The following EPHB1 variants were observed in gnomAD, a reference collection of about 807,000 sequenced individuals.
EPHB1 encodes ephrin type-B receptor 1.
Under a neutral mutation model 94.4 loss-of-function variants are expected in EPHB1, and 30 were observed. That is an observed-to-expected ratio of 0.32 (90% CI 0.24 to 0.43). The LOEUF (loss-of-function observed/expected upper bound fraction) is 0.43, where lower values mean the gene tolerates loss of function less well. Ranked by LOEUF, EPHB1 falls within the 20% of genes least tolerant of loss-of-function variation. The pLI, the probability that EPHB1 is intolerant of heterozygous loss-of-function variation, is 1.00. For synonymous variants in EPHB1, 522 were observed against 489.1 expected, an observed-to-expected ratio of 1.07 and a Z score of -0.89; for missense variants, 1,055 against 1,308.3, an observed-to-expected ratio of 0.81 and a Z score of 2.99.
intron 15 of EPHB1, among the ~76,000 whole-genome samples, chr3:135,257,911 C>A (rs1365431444): frequency 6.6e-6 from 1 of 152,190 alleles, no homozygotes; most frequent in East Asian, 1.9e-4. Context: ...GATATAATCT[C>A]GTGGTGCGCC....
chr3:134,978,986 T>G (rs1934303817), intron 3 of EPHB1, among the ~76,000 whole-genome samples: 1 of 152,110 alleles, frequency 6.6e-6, no homozygotes, highest in Admixed American at 6.5e-5. Context: ...TCATGGAGGG[T>G]GGGGCCAGGG....
Position 135,189,647 on chromosome 3 carries a change from C to T in EPHB1, c.1883-2929C>T, listed in dbSNP as rs534872272. On this transcript the variant is annotated intron_variant, in intron 10 of 15. Coordinates refer to ENST00000398015, the MANE Select transcript of EPHB1 (RefSeq NM_004441.5). Reference sequence around the variant, plus strand: ...TTCATCAGAATCTCTGAAGTGAGGCCCAGGCCTCTGGACTCTGTAAGTCTC... The same window carrying T: ...TTCATCAGAATCTCTGAAGTGAGGCTCAGGCCTCTGGACTCTGTAAGTCTC... Among the ~76,000 whole-genome samples the T allele has an allele frequency of 2.0e-5, 3 of 152,280 alleles. No individual in the cohort carries two copies. The South Asian group carries it at 6.2e-4, about 32-fold the overall frequency.
intron 3 of EPHB1, among the ~76,000 whole-genome samples, chr3:135,103,083 G>A (rs1197830492): frequency 6.6e-6 from 1 of 151,890 alleles, no homozygotes; most frequent in East Asian, 1.9e-4. Flanking sequence ...AATGGCACAT[G>A]TATCCCTATG....
At chr3:135,073,360 G>C (rs1403854851) in intron 3 of EPHB1, among the ~76,000 whole-genome samples, 1 of 152,104 alleles carries the variant, frequency 6.6e-6, no homozygotes, top group Non-Finnish European at 1.5e-5. Context: ...ATTTATAATG[G>C]AAAATTTCAA....
chr3:135,189,157 C>T (rs142929854), intron 10 of EPHB1, among the ~76,000 whole-genome samples: 114 of 152,332 alleles, frequency 7.5e-4, no homozygotes, highest in Non-Finnish European at 9.8e-4. Flanking sequence ...TCATTGATTT[C>T]TTCCTTCCTT....
chr3:134,984,049 A>T (rs1467733479), intron 3 of EPHB1, among the ~76,000 whole-genome samples: 1 of 152,020 alleles, frequency 6.6e-6, no homozygotes, highest in African/African-American at 2.4e-5. Context: ...GATCAGGGTA[A>T]CTCTTGGGTG....
chr3:134,944,558 A>C (rs1578217838), intron 2 of EPHB1, among the ~76,000 whole-genome samples: 1 of 152,074 alleles, frequency 6.6e-6, no homozygotes. Flanking sequence ...CCCCTATACC[A>C]CTGGTTGGTG....
chr3:135,246,955 C>G (rs1044086903), intron 13 of EPHB1, among the ~76,000 whole-genome samples: 4 of 152,092 alleles, frequency 2.6e-5, no homozygotes, highest in African/African-American at 9.7e-5. Flanking sequence ...ACTGAAAATA[C>G]TCACTTTTTG....
intron 4 of EPHB1, among the ~76,000 whole-genome samples, chr3:135,119,945 G>T (rs941394398): frequency 6.6e-6 from 1 of 152,134 alleles, no homozygotes; most frequent in Admixed American, 6.6e-5. Context: ...GTTTGTGTAT[G>T]TTTGTCTTTA....
chr3:135,211,935 T>A (rs1389671506), intron 12 of EPHB1, among the ~76,000 whole-genome samples: 1 of 152,200 alleles, frequency 6.6e-6, no homozygotes, highest in Non-Finnish European at 1.5e-5. Context: ...TTTGTTCTTT[T>A]TTCCTCCTTC....
chr3:135,236,078 A>G (rs1249897475), intron 12 of EPHB1, among the ~76,000 whole-genome samples: 1 of 152,208 alleles, frequency 6.6e-6, no homozygotes, highest in African/African-American at 2.4e-5. Context: ...ATAACAAAGT[A>G]TCACAAACTA....
At chr3:134,971,899 T>C (rs1391294279) in intron 3 of EPHB1, among the ~76,000 whole-genome samples, 2 of 152,170 alleles carry the variant, frequency 1.3e-5, no homozygotes, top group African/African-American at 4.8e-5. Context: ...TTTGTTTCAG[T>C]TCAATGGGAG....
chr3:135,057,096 G>A (rs1467294025), intron 3 of EPHB1, among the ~76,000 whole-genome samples: 2 of 152,170 alleles, frequency 1.3e-5, no homozygotes, highest in Admixed American at 6.5e-5. Flanking sequence ...TCTTCCTGCT[G>A]CCTCTGCTCC....
chr3:135,182,009 T>TC (rs1322982729), intron 10 of EPHB1, among the ~76,000 whole-genome samples: 1 of 152,200 alleles, frequency 6.6e-6, no homozygotes, highest in East Asian at 1.9e-4. Flanking sequence ...CAGAGACCCA[T>TC]CTCCTTGTAA....
chr3:135,165,174 A>G lies in EPHB1; in HGVS notation c.1586-794A>G, dbSNP rs563200661. 4.6e-5 allele frequency among the ~76,000 whole-genome samples: 7 copies of G among 152,358 alleles called. No individual in the cohort carries two copies. The East Asian group carries it at 1.3e-3, about 29-fold the overall frequency. On this transcript the variant is annotated intron_variant, in intron 7 of 15. Coordinates refer to ENST00000398015, the MANE Select transcript of EPHB1 (RefSeq NM_004441.5). ...GGCCCAAATTATTTGTATAGATTAA[A>G]GAAAAGAGATTTGGTATTTAGGACA...
chr3:135,098,878 TGG>T (rs1258774680), intron 3 of EPHB1, among the ~76,000 whole-genome samples: 1 of 151,982 alleles, frequency 6.6e-6, no homozygotes, highest in Non-Finnish European at 1.5e-5. Flanking sequence ...TAGGTGGTAG[TGG>T]CGCTTTCCTG....
At chr3:134,831,375 G>C (rs1012019988) in intron 1 of EPHB1, among the ~76,000 whole-genome samples, 2 of 152,184 alleles carry the variant, frequency 1.3e-5, no homozygotes, top group African/African-American at 4.8e-5. Flanking sequence ...CAGCTGGGCA[G>C]ACTTAGGAAC....
chr3:135,076,721 CA>C (rs1937940033), intron 3 of EPHB1, among the ~76,000 whole-genome samples: 1 of 152,072 alleles, frequency 6.6e-6, no homozygotes, highest in South Asian at 2.1e-4. Flanking sequence ...AATGGATAAA[CA>C]AAATGTGGTA....
At chr3:135,112,456 A>ATATG (rs1939486620) in intron 4 of EPHB1, among the ~76,000 whole-genome samples, 3 of 151,910 alleles carry the variant, frequency 2.0e-5, no homozygotes, top group Non-Finnish European at 1.5e-5. Context: ...GGTTTGTTAC[A>ATATG]TATACATGTG....
Sources: allele counts gnomAD v4.1 joint callset (sites outside exome capture counted in the v4.1 genomes callset), GRCh38; gene constraint gnomAD v4.1.1; transcripts MANE v1.5; gene names NCBI Gene and HGNC (gene_info 2026-07-23, HGNC 2026-07-21).